GABRG3: variants seen among roughly 807,000 people sequenced by gnomAD.
GABRG3 encodes the protein gamma-aminobutyric acid type A receptor subunit gamma3, also known as gamma-aminobutyric acid receptor subunit gamma-3.
Under a neutral mutation model 48.8 loss-of-function variants are expected in GABRG3, and 25 were observed. That is an observed-to-expected ratio of 0.51 (90% CI 0.37 to 0.72). GABRG3 has a LOEUF of 0.72. Among genes scored for constraint, GABRG3 ranks in the 30% least tolerant of loss-of-function variants. The pLI is 0.00. For missense variants in GABRG3, 394 were observed against 577.9 expected, an observed-to-expected ratio of 0.68 and a Z score of 3.26; for synonymous variants, 227 against 217.6, an observed-to-expected ratio of 1.04 and a Z score of -0.38.
At chr15:27,387,937 A>C (rs1281337297) in intron 5 of GABRG3, among the ~76,000 whole-genome samples, 1 of 44,856 alleles carries the variant, frequency 2.2e-5, no homozygotes, top group African/African-American at 8.6e-5. Context: ...GGAGGGAGGG[A>C]AGGAGGGAAA....
intron 3 of GABRG3, among the ~76,000 whole-genome samples, chr15:27,273,189 A>G (rs1160077115): frequency 6.6e-6 from 1 of 152,248 alleles, no homozygotes; most frequent in Non-Finnish European, 1.5e-5. Context: ...TATCTGATAC[A>G]TGAAAGATGC....
rs182352906 is a variant in GABRG3 at position 26,979,982 on chromosome 15, T to C, written c.202+2832T>C. ...ACCCTCTGGGCCAGGAGATTTCTTT[T>C]CTGGGAGTTATTTCATTTCCTTAAT... On this transcript the variant is annotated intron_variant, in intron 2 of 9. Transcript: ENST00000615808. Among the ~76,000 whole-genome samples the C allele has an allele frequency of 7.2e-5, 11 of 152,356 alleles. No individual in the cohort carries two copies. In the East Asian group the frequency reaches 1.9e-3, roughly 27 times the overall value.
intron 3 of GABRG3, among the ~76,000 whole-genome samples, chr15:27,152,897 G>C (rs1898344896): frequency 7.1e-6 from 1 of 140,166 alleles, no homozygotes; most frequent in African/African-American, 2.7e-5. Context: ...GTCTCGCTCT[G>C]TCGCCCAGGC....
At chr15:27,256,075 C>T (rs1331341604) in intron 3 of GABRG3, among the ~76,000 whole-genome samples, 3 of 152,062 alleles carry the variant, frequency 2.0e-5, no homozygotes, top group African/African-American at 7.2e-5. Context: ...GGATTCTTCA[C>T]GTGGGCCCAA....
chr15:27,481,355 T>G (rs1226151557), intron 6 of GABRG3: 2 of 783,482 alleles, frequency 2.6e-6, no homozygotes, highest in African/African-American at 3.8e-5. Context: ...GAATGTGTTT[T>G]GTTTTGCTTT....
intron 3 of GABRG3, among the ~76,000 whole-genome samples, chr15:27,292,658 TA>T (rs1566759561): frequency 6.6e-6 from 1 of 152,132 alleles, no homozygotes; most frequent in Non-Finnish European, 1.5e-5. Context: ...TCTATTAGCA[TA>T]AAACAAAACA....
chr15:27,105,517 C>T (rs1165358698), intron 3 of GABRG3, among the ~76,000 whole-genome samples: 1 of 152,134 alleles, frequency 6.6e-6, no homozygotes, highest in African/African-American at 2.4e-5. Flanking sequence ...CAAAACAAAT[C>T]TCAGAAAATT....
intron 3 of GABRG3, among the ~76,000 whole-genome samples, chr15:27,115,729 C>T (rs766887004): frequency 2.6e-5 from 4 of 152,148 alleles, no homozygotes; most frequent in Non-Finnish European, 4.4e-5. Flanking sequence ...TCTAAATCAA[C>T]ATTTATTTTC....
intron 9 of GABRG3, among the ~76,000 whole-genome samples, chr15:27,529,748 A>T (rs925335653): frequency 1.3e-5 from 2 of 152,142 alleles, no homozygotes; most frequent in African/African-American, 2.4e-5. Context: ...GGTGCACATC[A>T]TCACACATAG....
At chr15:27,092,584 G>A (rs368840953) in intron 3 of GABRG3, among the ~76,000 whole-genome samples, 9 of 152,270 alleles carry the variant, frequency 5.9e-5, no homozygotes, top group African/African-American at 1.9e-4. Flanking sequence ...GTGTTGCCCC[G>A]TCCGTGTGAG....
intron 5 of GABRG3, among the ~76,000 whole-genome samples, chr15:27,381,060 T>C (rs1895760328): frequency 6.6e-6 from 1 of 152,130 alleles, no homozygotes; most frequent in Non-Finnish European, 1.5e-5. Context: ...CCACCGCGCC[T>C]GGCCTCTGTG....
intron 5 of GABRG3, among the ~76,000 whole-genome samples, chr15:27,341,754 G>C (rs1894187364): frequency 1.3e-5 from 2 of 152,156 alleles, no homozygotes; most frequent in African/African-American, 4.8e-5. Context: ...GTTGTTATTG[G>C]TGGAGGACAG....
chr15:27,307,888 T>G (rs369394367), intron 3 of GABRG3, among the ~76,000 whole-genome samples: 13 of 46,962 alleles, frequency 2.8e-4, no homozygotes, highest in South Asian at 1.7e-3. Context: ...TGTTTATATA[T>G]AAAATATATA....
intron 5 of GABRG3, among the ~76,000 whole-genome samples, chr15:27,477,657 G>A (rs1889979608): frequency 6.6e-6 from 1 of 152,166 alleles, no homozygotes; most frequent in South Asian, 2.1e-4. Context: ...GGCTGTGCAT[G>A]TGTGGGGCAG....
chr15:27,264,347 C>T (rs1380687062), intron 3 of GABRG3, among the ~76,000 whole-genome samples: 1 of 152,166 alleles, frequency 6.6e-6, no homozygotes, highest in African/African-American at 2.4e-5. Flanking sequence ...TGCTTCCCCA[C>T]TGCCTTATTA....
intron 5 of GABRG3, among the ~76,000 whole-genome samples, chr15:27,470,734 T>A (rs567901230): frequency 6.6e-6 from 1 of 152,286 alleles, no homozygotes; most frequent in South Asian, 2.1e-4. Context: ...TTTACTTTTC[T>A]TATAGGGTAC....
chr15:26,981,720 G>T lies in GABRG3; in HGVS notation c.202+4570G>T, dbSNP rs143536811. On this transcript the variant is annotated intron_variant, in intron 2 of 9. Transcript: ENST00000615808. ...AGGGGAAGTGGGGATTGCAGCAGAC[G>T]CACCGTCGGCAGGATGTGCCTGACC... 1.2e-3 allele frequency among the ~76,000 whole-genome samples: 187 copies of T among 152,300 alleles called. 1 individual carries two copies. Among genetic ancestry groups the T allele is most frequent in the African/African-American group, 4.4e-3 (183 of 41,572 alleles).
rs1595582341 is a variant in GABRG3 at position 27,201,644 on chromosome 15, G to A, written c.271-125165G>A. Among the ~76,000 whole-genome samples the A allele has an allele frequency of 2.0e-5, 3 of 152,144 alleles. No individual in the cohort carries two copies. The South Asian group carries it at 6.2e-4, about 32-fold the overall frequency. On this transcript the variant is annotated intron_variant, in intron 3 of 9. Transcript: ENST00000615808. ...ACACAGCATCCCTATAGGGTGTGTA[G>A]GAGCTGACTTCAGCCAAGCCACAAG...
intron 3 of GABRG3, among the ~76,000 whole-genome samples, chr15:27,133,379 T>G (rs957703729): frequency 1.3e-5 from 2 of 152,204 alleles, no homozygotes; most frequent in Non-Finnish European, 2.9e-5. Context: ...AGTTATGTAT[T>G]ATTAATGGAG....
Sources: allele counts gnomAD v4.1 joint callset (sites outside exome capture counted in the v4.1 genomes callset), GRCh38; gene constraint gnomAD v4.1.1; transcripts MANE v1.5; gene names NCBI Gene and HGNC (gene_info 2026-07-23, HGNC 2026-07-21).